The following ADSS2 variants were observed in gnomAD, a reference collection of about 807,000 sequenced individuals.
The protein encoded by ADSS2 is adenylosuccinate synthetase isozyme 2.
A neutral mutation model predicts 60.0 loss-of-function variants in ADSS2; 30 were observed. The observed-to-expected ratio is 0.50, with a 90% CI of 0.37 to 0.68. ADSS2 has a LOEUF of 0.68. Ranked by LOEUF, ADSS2 falls within the 30% of genes least tolerant of loss-of-function variation. The probability of loss-of-function intolerance (pLI) is 0.00; values close to 1 mark genes in which losing one functional copy is unlikely to be tolerated. For missense variants in ADSS2, 373 were observed against 554.8 expected (o/e 0.67, Z 3.29); for synonymous variants, 187 against 193.1 (o/e 0.97, Z 0.26).
In ADSS2 at chr1:244,451,058, G is replaced by A. The variant is rs1221589876; in HGVS notation, c.183+577C>T. On this transcript the variant is annotated intron_variant, in intron 1 of 12. Transcript: ENST00000366535. The surrounding 1 kb of genome is among the most constrained non-coding windows in gnomAD (Gnocchi z 6.6). ...ACAACAGTCCAAAGCCCAGAGGTGG[G>A]TGGGTTTGGATGTCAACAAAGTGGA... is the stretch of plus-strand genomic sequence containing the variant. 2.6e-5 allele frequency among the ~76,000 whole-genome samples: 4 copies of A among 152,200 alleles called. No homozygotes were observed. Among genetic ancestry groups the A allele is most frequent in the African/African-American group, 4.8e-5 (2 of 41,450 alleles).
intron 7 of ADSS2, 63 bp from the exon 8 acceptor site, chr1:244,420,359 A>T: frequency 7.0e-7 from 1 of 1,421,904 alleles, no homozygotes; most frequent in Non-Finnish European, 9.5e-7. Context: ...TAACCAGAAC[A>T]AGAATAAATT....
intron 1 of ADSS2, among the ~76,000 whole-genome samples, chr1:244,444,514 C>CAAAAAAAAAAAAAAAAAAAAAAAAAAAA: frequency 2.4e-5 from 1 of 42,552 alleles, no homozygotes; most frequent in African/African-American, 8.6e-5. Context: ...GACTCCATCT[C>CAAAAAAAAAAAAAAAAAAAAAAAAAAAA]AAAAAAAAAA....
intron 1 of ADSS2, among the ~76,000 whole-genome samples, chr1:244,448,186 T>G (rs1665441913): frequency 6.6e-6 from 1 of 152,226 alleles, no homozygotes. Context: ...TCATTTTAGC[T>G]GTACAAGGTC....
chr1:244,432,059 T>C (rs541315629), intron 4 of ADSS2, among the ~76,000 whole-genome samples: 11 of 152,342 alleles, frequency 7.2e-5, no homozygotes, highest in African/African-American at 2.6e-4. Context: ...AACAACTCCA[T>C]TGGTTCTGAA....
Position 244,415,963 on chromosome 1 carries a change from T to C in ADSS2, c.1168+18A>G. The C allele has an allele frequency of 6.5e-7, 1 of 1,529,014 alleles. No individual in the cohort carries two copies. The highest frequency in any genetic ancestry group is 9.0e-7 in the Non-Finnish European group (1 of 1,105,282). The allele number at this position is 1,529,014 out of a possible 1,614,324, so 94.7% of individuals were successfully genotyped here. A position where few individuals can be genotyped will look rare whatever the true frequency, so the allele number is the denominator to read the frequency against. ...TTCACCTTATAATATCCTTTAGATATTGCCTAAAAGAAAATACCTGGGATA... is the reference window on the plus strand; with the variant it reads ...TTCACCTTATAATATCCTTTAGATACTGCCTAAAAGAAAATACCTGGGATA... On this transcript the variant is annotated intron_variant, in intron 11 of 12. Transcript: ENST00000366535.
intron 11 of ADSS2, among the ~76,000 whole-genome samples, chr1:244,414,298 A>G (rs1218746767): frequency 6.6e-6 from 1 of 152,238 alleles, no homozygotes; most frequent in African/African-American, 2.4e-5. Context: ...GACTAACAGA[A>G]AAAAAGTAGC....
intron 11 of ADSS2, among the ~76,000 whole-genome samples, chr1:244,412,511 C>T (rs1488592870): frequency 2.0e-5 from 3 of 152,278 alleles, no homozygotes; most frequent in African/African-American, 4.8e-5. Flanking sequence ...ATCTGAGGCA[C>T]TGAGATTCGA....
At chr1:244,429,579 T>C (rs527289808) in intron 4 of ADSS2, among the ~76,000 whole-genome samples, 63 of 152,320 alleles carry the variant, frequency 4.1e-4, no homozygotes, top group African/African-American at 1.3e-3. Context: ...TTCACTATTA[T>C]AGAATTGACT....
rs1160405988 is a variant in ADSS2 at position 244,451,281 on chromosome 1, C to T, written c.183+354G>A. Among the ~76,000 whole-genome samples, 3 of 152,160 alleles carry T rather than the reference C, an allele frequency of 2.0e-5. No homozygotes were observed. Among genetic ancestry groups the T allele is most frequent in the Non-Finnish European group, 4.4e-5 (3 of 68,024 alleles). Reference sequence around the variant, plus strand: ...TGGGAGCAGGCCTCGGGCGGTAGCTCCTCAAACTCGGACCGCATCCCACCT... The same window carrying T: ...TGGGAGCAGGCCTCGGGCGGTAGCTTCTCAAACTCGGACCGCATCCCACCT... On this transcript the variant is annotated intron_variant, in intron 1 of 12. Transcript: ENST00000366535. The surrounding 1 kb of genome is among the most constrained non-coding windows in gnomAD (Gnocchi z 6.6).
chr1:244,428,631 A>C (rs908287210), intron 4 of ADSS2, among the ~76,000 whole-genome samples: 12 of 151,916 alleles, frequency 7.9e-5, no homozygotes, highest in Admixed American at 3.3e-4. Flanking sequence ...TAGAAAGAAG[A>C]GAAAGAGCTG....
At chr1:244,446,167 A>G (rs1177759736) in intron 1 of ADSS2, among the ~76,000 whole-genome samples, 2 of 152,162 alleles carry the variant, frequency 1.3e-5, no homozygotes, top group Non-Finnish European at 2.9e-5. Context: ...CTTATTATCT[A>G]TGCTGCTTTC....
At chr1:244,433,856 C>CT (rs1478379374) in intron 3 of ADSS2, among the ~76,000 whole-genome samples, 3 of 82,402 alleles carry the variant, frequency 3.6e-5, no homozygotes, top group African/African-American at 8.8e-5. Context: ...AAGACTCCAT[C>CT]TTTAAAAAAA....
At chr1:244,413,945 A>G (rs1003891072) in intron 11 of ADSS2, among the ~76,000 whole-genome samples, 1 of 152,198 alleles carries the variant, frequency 6.6e-6, no homozygotes, top group Non-Finnish European at 1.5e-5. Flanking sequence ...CAAACCTCCC[A>G]TAATGAAGCC....
intron 4 of ADSS2, chr1:244,424,842 C>T (rs1664761111): frequency 6.5e-6 from 1 of 154,672 alleles, no homozygotes; most frequent in East Asian, 1.9e-4. Flanking sequence ...AATCCAAATG[C>T]TGTCATGCAG....
At chr1:244,428,523 G>GGA (rs912238781) in intron 4 of ADSS2, among the ~76,000 whole-genome samples, 2 of 151,212 alleles carry the variant, frequency 1.3e-5, no homozygotes, top group Non-Finnish European at 3.0e-5. Flanking sequence ...AGGAAGGGAG[G>GGA]GAGAGAGAGA....
chr1:244,416,573 C>T (rs1028595136), intron 10 of ADSS2, among the ~76,000 whole-genome samples: 9 of 152,130 alleles, frequency 5.9e-5, no homozygotes, highest in African/African-American at 2.2e-4. Flanking sequence ...TCCTGCCTCT[C>T]GGCCTCCCAA....
In ADSS2 at chr1:244,418,072, T is replaced by C. The variant is rs917525900; in HGVS notation, c.946-320A>G. On this transcript the variant is annotated intron_variant, in intron 9 of 12. Transcript: ENST00000366535. The stretch of plus-strand genomic sequence containing the variant: ...ATCCAGCCAGTTCTTCCAAGAGCTG[T>C]AGTTTGATGCTTTTCCTGAAAACCA... Among the ~76,000 whole-genome samples, 12 of 152,344 alleles carry C rather than the reference T, an allele frequency of 7.9e-5. No homozygotes were observed. In the South Asian group the frequency reaches 8.3e-4, roughly 11 times the overall value.
Position 244,451,568 on chromosome 1 carries a change from G to A in ADSS2, c.183+67C>T, listed in dbSNP as rs1019137659. 6.7e-6 allele frequency: 10 copies of A among 1,499,546 alleles called. No individual in the cohort carries two copies. The highest frequency in any genetic ancestry group is 1.9e-4 in the Middle Eastern group (1 of 5,178). The allele number at this position is 1,499,546 out of a possible 1,614,324, so 92.9% of individuals were successfully genotyped here. On this transcript the variant is annotated intron_variant, in intron 1 of 12. Transcript: ENST00000366535. The surrounding 1 kb of genome is among the most constrained non-coding windows in gnomAD (Gnocchi z 6.6). ...ATCCGGGTTCTGGGTCCGAGTTCCC[G>A]GGCACCAGGAGCCAGGCAGCCCGAG... is the stretch of plus-strand genomic sequence containing the variant.
At position 244,446,150 on chromosome 1, in the gene ADSS2, G is replaced by C. The variant is rs185717268; in HGVS notation, c.183+5485C>G. Among the ~76,000 whole-genome samples the C allele has an allele frequency of 2.0e-5, 3 of 152,266 alleles. No individual in the cohort carries two copies. In the East Asian group the frequency reaches 5.8e-4, roughly 29 times the overall value. On this transcript the variant is annotated intron_variant, in intron 1 of 12. Coordinates refer to ENST00000366535, the MANE Select transcript of ADSS2 (RefSeq NM_001126.5). The stretch of plus-strand genomic sequence containing the variant: ...TCTTAAGAGCCTAAAAATCTTTGGA[G>C]TCAATGCTTATTATCTATGCTGCTT...
Sources: gnomAD v4.1 joint callset for allele counts (sites outside exome capture counted in the v4.1 genomes callset) on GRCh38, gnomAD v4.1.1 for gene constraint, Gnocchi (gnomAD v3.1) non-coding constraint, MANE v1.5 for transcripts, NCBI Gene and HGNC (gene_info 2026-07-23, HGNC 2026-07-21) for gene names.